SPMIP9: variants seen among roughly 807,000 people sequenced by gnomAD.
SPMIP9 encodes protein SPMIP9.
chr2:88,526,581 C>T, the SPMIP9 span: 4 of 1,055,162 alleles, frequency 3.8e-6, no homozygotes, highest in South Asian at 2.6e-5. Flanking sequence ...CAAATGTGGA[C>T]ATTTGGGCCC....
the SPMIP9 span, among the ~76,000 whole-genome samples, chr2:88,528,125 C>A: frequency 6.8e-6 from 1 of 147,184 alleles, no homozygotes; most frequent in South Asian, 2.1e-4. Flanking sequence ...AAAAAATATT[C>A]TAAGCATTTT....
chr2:88,527,416 C>A, the SPMIP9 span, among the ~76,000 whole-genome samples: 1 of 151,982 alleles, frequency 6.6e-6, no homozygotes, highest in Non-Finnish European at 1.5e-5. Context: ...ATTGCTTGAA[C>A]CTGGGAGGTG....
chr2:88,529,568 A>G, the SPMIP9 span: 4 of 1,183,420 alleles, frequency 3.4e-6, no homozygotes, highest in African/African-American at 1.5e-5. Flanking sequence ...ATAAAACTGG[A>G]AAGATGTTCC....
chr2:88,526,549 CTCTGT>C, the SPMIP9 span: 1 of 1,373,966 alleles, frequency 7.3e-7, no homozygotes, highest in Admixed American at 1.7e-5. Flanking sequence ...CTGAAATCCT[CTCTGT>C]TGCTTCATTT....
At chr2:88,525,366 T>G in the SPMIP9 span, among the ~76,000 whole-genome samples, 4 of 152,178 alleles carry the variant, frequency 2.6e-5, no homozygotes, top group African/African-American at 4.8e-5. Context: ...CAGCTATACC[T>G]CTCAAACAGT....
chr2:88,526,005 A>G, the SPMIP9 span, among the ~76,000 whole-genome samples: 11 of 152,094 alleles, frequency 7.2e-5, no homozygotes, highest in African/African-American at 2.7e-4. Flanking sequence ...ACACCCTGCA[A>G]GTGCTGTTGT....
chr2:88,529,042 G>C, the SPMIP9 span: 1 of 1,604,392 alleles, frequency 6.2e-7, no homozygotes, highest in Non-Finnish European at 8.5e-7. Context: ...TGTGTGATTT[G>C]TTTCCACAGC....
chr2:88,526,578 G>A, the SPMIP9 span: 10 of 1,072,354 alleles, frequency 9.3e-6, no homozygotes, highest in Non-Finnish European at 1.4e-5. Flanking sequence ...TTACAAATGT[G>A]GACATTTGGG....
At chr2:88,529,032 T>C in the SPMIP9 span, 28 of 1,600,488 alleles carry the variant, frequency 1.7e-5, 1 homozygote, top group East Asian at 3.6e-4. Flanking sequence ...CCTCCATTCA[T>C]GTGTGATTTG....
chr2:88,528,967 T>C, the SPMIP9 span: 1 of 1,360,816 alleles, frequency 7.3e-7, no homozygotes, highest in African/African-American at 1.5e-5. Flanking sequence ...AAGAAGGGTG[T>C]GCTCTGTCTT....
At chr2:88,527,862 C>T in the SPMIP9 span, among the ~76,000 whole-genome samples, 1 of 152,146 alleles carries the variant, frequency 6.6e-6, no homozygotes, top group Non-Finnish European at 1.5e-5. Flanking sequence ...TTATGGCCAG[C>T]AGGAGACAGT....
the SPMIP9 span, chr2:88,528,976 T>C: frequency 1.4e-6 from 2 of 1,476,460 alleles, no homozygotes; most frequent in South Asian, 1.3e-5. Flanking sequence ...GTGCTCTGTC[T>C]TGGATGCTTC....
chr2:88,526,726 G>A, the SPMIP9 span, among the ~76,000 whole-genome samples: 4 of 151,854 alleles, frequency 2.6e-5, no homozygotes, highest in East Asian at 1.9e-4. Context: ...GTGCAGTGGC[G>A]CGATCTCGGC....
chr2:88,526,795 A>AT, the SPMIP9 span, among the ~76,000 whole-genome samples: 1 of 151,838 alleles, frequency 6.6e-6, no homozygotes, highest in Non-Finnish European at 1.5e-5. Context: ...CAACTTCCTG[A>AT]GTAGCTGGGA....
the SPMIP9 span, among the ~76,000 whole-genome samples, chr2:88,527,873 T>TA: frequency 6.6e-6 from 1 of 152,222 alleles, no homozygotes; most frequent in Admixed American, 6.5e-5. Context: ...AGGAGACAGT[T>TA]ACTTCTGCTG....
the SPMIP9 span, chr2:88,526,510 G>C: frequency 6.2e-7 from 1 of 1,601,910 alleles, no homozygotes. Context: ...AGGAAGGCAC[G>C]CAAGTCCTGT....
At chr2:88,526,525 C>A in the SPMIP9 span, 2 of 1,523,636 alleles carry the variant, frequency 1.3e-6, no homozygotes, top group East Asian at 4.5e-5. Flanking sequence ...TCCTGTCATT[C>A]AATCAACTGC....
At chr2:88,525,501 T>C in the SPMIP9 span, 3 of 887,670 alleles carry the variant, frequency 3.4e-6, no homozygotes, top group East Asian at 7.2e-5. Flanking sequence ...ACATGCAGGG[T>C]AGGAGCCCAG....
chr2:88,526,574 A>T, the SPMIP9 span: 11 of 1,149,486 alleles, frequency 9.6e-6, no homozygotes, highest in East Asian at 2.7e-4. Flanking sequence ...TGTATTACAA[A>T]TGTGGACATT....
Sources: gnomAD v4.1 joint callset for allele counts (sites outside exome capture counted in the v4.1 genomes callset) on GRCh38, gnomAD v4.1.1 for gene constraint, MANE v1.5 for transcripts, NCBI Gene and HGNC (gene_info 2026-07-23, HGNC 2026-07-21) for gene names.